The following CLTCL1 variants were observed in gnomAD, a reference collection of about 807,000 sequenced individuals.
The protein encoded by CLTCL1 is clathrin heavy chain 2.
CLTCL1 carries 159 observed loss-of-function variants against 190.0 expected under a neutral mutation model. The ratio of observed to expected loss-of-function variants is 0.84; its 90% confidence interval spans 0.74 to 0.95. The LOEUF (loss-of-function observed/expected upper bound fraction) is 0.95. Ranked by LOEUF, CLTCL1 falls within the 40% of genes least tolerant of loss-of-function variation. The pLI is 0.00. For synonymous variants in CLTCL1, 752 were observed against 769.6 expected, an observed-to-expected ratio of 0.98 and a Z score of 0.38; for missense variants, 1,878 against 2,033.4, an observed-to-expected ratio of 0.92 and a Z score of 1.47.
intron 1 of CLTCL1, among the ~76,000 whole-genome samples, chr22:19,287,794 T>C (rs1445767609): frequency 6.6e-6 from 1 of 152,018 alleles, no homozygotes; most frequent in Non-Finnish European, 1.5e-5. Flanking sequence ...AAGATACACA[T>C]CTGGGGAGAA....
At chr22:19,226,502 G>T in intron 11 of CLTCL1, 119 bp from the exon 12 acceptor site, 1 of 1,094,876 alleles carries the variant, frequency 9.1e-7, no homozygotes, top group Non-Finnish European at 1.3e-6. Flanking sequence ...ACAGGCCCCT[G>T]TCCACATCCA....
intron 24 of CLTCL1, among the ~76,000 whole-genome samples, chr22:19,197,192 A>G (rs1319281304): frequency 6.6e-6 from 1 of 152,154 alleles, no homozygotes; most frequent in African/African-American, 2.4e-5. Flanking sequence ...AGAAACACCC[A>G]GCCATGTGAC....
Position 19,179,709 on chromosome 22 carries a change from C to A in CLTCL1, c.*281G>T, listed in dbSNP as rs879960848. The A allele has an allele frequency of 5.9e-6, 1 of 168,216 alleles. No homozygotes were observed. Among genetic ancestry groups the A allele is most frequent in the African/African-American group, 2.4e-5 (1 of 41,744 alleles). The allele number at this position is 168,216 out of a possible 1,614,324, so 10.4% of individuals were successfully genotyped here. ...TTGCGCCGTCAGCCTCTACCCTGGCCTCCCCAGGCTCTGGGATGGCTCAGA... is the reference window on the plus strand; with the variant it reads ...TTGCGCCGTCAGCCTCTACCCTGGCATCCCCAGGCTCTGGGATGGCTCAGA... On this transcript the variant is annotated 3_prime_UTR_variant, in exon 33 of 33. Coordinates refer to ENST00000427926, the MANE Select transcript of CLTCL1 (RefSeq NM_007098.4).
chr22:19,184,606 C>T (rs1240245744), intron 29 of CLTCL1: 2 of 454,880 alleles, frequency 4.4e-6, no homozygotes, highest in East Asian at 6.9e-5. Context: ...GCTTTGAGGA[C>T]CTGTGACGCC....
At chr22:19,243,902 T>G (rs1232930218) in intron 3 of CLTCL1, among the ~76,000 whole-genome samples, 1 of 152,022 alleles carries the variant, frequency 6.6e-6, no homozygotes, top group African/African-American at 2.4e-5. Context: ...TTTCACCATG[T>G]TGGCCAGGAT....
intron 27 of CLTCL1, among the ~76,000 whole-genome samples, chr22:19,188,605 T>C (rs1321570942): frequency 6.7e-6 from 1 of 149,536 alleles, no homozygotes; most frequent in Non-Finnish European, 1.5e-5. Context: ...GCTGTGGCAA[T>C]TTCTTTTTCT....
intron 15 of CLTCL1, 138 bp downstream of exon 15, chr22:19,222,546 G>T: frequency 1.0e-6 from 1 of 990,352 alleles, no homozygotes; most frequent in Non-Finnish European, 1.5e-6. Context: ...TACTCTGGCA[G>T]TCTGAGCACA....
intron 30 of CLTCL1, 60 bp downstream of exon 30, chr22:19,183,330 C>G: frequency 6.8e-7 from 1 of 1,469,016 alleles, no homozygotes; most frequent in Non-Finnish European, 9.4e-7. Flanking sequence ...GCCAGAGTCA[C>G]TGCCAGGGTT....
chr22:19,206,306 G>A (rs140453532), intron 22 of CLTCL1, among the ~76,000 whole-genome samples: 7 of 152,132 alleles, frequency 4.6e-5, no homozygotes, highest in East Asian at 1.9e-4. Flanking sequence ...AGCTCACCCC[G>A]ATCACAGCTC....
intron 26 of CLTCL1, among the ~76,000 whole-genome samples, chr22:19,193,277 C>T (rs1168314671): frequency 6.6e-6 from 1 of 152,218 alleles, no homozygotes; most frequent in Non-Finnish European, 1.5e-5. Context: ...GGCCGGAATG[C>T]CGTTTAAGGT....
chr22:19,275,373 G>C (rs1368537854), intron 2 of CLTCL1, among the ~76,000 whole-genome samples: 1 of 151,940 alleles, frequency 6.6e-6, no homozygotes, highest in Admixed American at 6.6e-5. Context: ...GTCGCATGAA[G>C]ACAAAGGCCT....
chr22:19,199,204 T>A (rs558113265), intron 24 of CLTCL1, among the ~76,000 whole-genome samples: 1 of 152,186 alleles, frequency 6.6e-6, no homozygotes, highest in East Asian at 1.9e-4. Context: ...GAAGCCCAGG[T>A]CCCTAAACAC....
At chr22:19,222,917 C>T (rs1490339951) in intron 14 of CLTCL1, 108 bp from the exon 15 acceptor site, 5 of 1,348,474 alleles carry the variant, frequency 3.7e-6, no homozygotes, top group Middle Eastern at 2.0e-4. Flanking sequence ...CAGAGTGACA[C>T]ACAGGAGACT....
intron 11 of CLTCL1, among the ~76,000 whole-genome samples, chr22:19,229,379 GA>G (rs1181037389): frequency 2.6e-4 from 40 of 152,160 alleles, no homozygotes; most frequent in African/African-American, 8.0e-4. Context: ...GAAATATCTT[GA>G]AAAGCCAAAT....
chr22:19,258,775 A>G (rs1555974088), intron 2 of CLTCL1: 2 of 691,518 alleles, frequency 2.9e-6, no homozygotes, highest in East Asian at 2.8e-5. Context: ...GTGGTGTTTG[A>G]GACCAACGAC....
chr22:19,220,769 C>G (rs1378433556), intron 17 of CLTCL1, among the ~76,000 whole-genome samples: 1 of 152,230 alleles, frequency 6.6e-6, no homozygotes, highest in Non-Finnish European at 1.5e-5. Flanking sequence ...CTATTCATGT[C>G]TGGATTTTTA....
rs576572811 is a variant in CLTCL1 at position 19,188,058 on chromosome 22, G to A, written c.4357C>T (p.Arg1453Trp). The A allele has an allele frequency of 7.4e-6, 12 of 1,614,010 alleles. No homozygotes were observed. The highest frequency in any genetic ancestry group is 3.3e-5 in the South Asian group (3 of 91,082). Residue 1453 changes from arginine to tryptophan, a missense_variant, in exon 28 of 33, where the codon CGG becomes TGG. Coordinates refer to ENST00000427926, the MANE Select transcript of CLTCL1 (RefSeq NM_007098.4). ...TTGTTGTTGTGGCTCTGGACTGACC[G>A]CAGGTAAGGCTTCACCAGGGGCAGC... ...GQLPLVKPYL[R>W]SVQSHNNKSV...
At chr22:19,245,149 T>C (rs185093667) in intron 3 of CLTCL1, among the ~76,000 whole-genome samples, 7 of 151,730 alleles carry the variant, frequency 4.6e-5, no homozygotes, top group Middle Eastern at 3.5e-3. Context: ...TTAGACAGGG[T>C]TGGCAAACTA....
chr22:19,224,980 G>A (rs1159013628), intron 13 of CLTCL1, among the ~76,000 whole-genome samples: 1 of 152,204 alleles, frequency 6.6e-6, no homozygotes, highest in East Asian at 1.9e-4. Context: ...CCAAGAAGGG[G>A]AAAGGAAGAC....
Sources: allele counts gnomAD v4.1 joint callset (sites outside exome capture counted in the v4.1 genomes callset), GRCh38; gene constraint gnomAD v4.1.1; transcripts MANE v1.5; gene names NCBI Gene and HGNC (gene_info 2026-07-23, HGNC 2026-07-21).